The following CNTNAP2 variants were observed in gnomAD, a reference collection of about 807,000 sequenced individuals.
The protein encoded by CNTNAP2 is contactin associated protein 2.
CNTNAP2 carries 98 observed loss-of-function variants against 155.2 expected under a neutral mutation model. The ratio of observed to expected loss-of-function variants is 0.63; its 90% CI spans 0.54 to 0.75. The LOEUF (loss-of-function observed/expected upper bound fraction) is 0.75. Among genes scored for constraint, CNTNAP2 ranks in the 30% least tolerant of loss-of-function variants. The pLI, the probability that CNTNAP2 is intolerant of heterozygous loss-of-function variation, is 0.00. For missense variants in CNTNAP2, 1,727 were observed against 1,688.1 expected (o/e 1.02, Z -0.40); for synonymous variants, 651 against 631.2 (o/e 1.03, Z -0.47).
At chr7:146,650,241 T>C (rs1292842123) in intron 1 of CNTNAP2, among the ~76,000 whole-genome samples, 2 of 152,108 alleles carry the variant, frequency 1.3e-5, no homozygotes, top group African/African-American at 4.8e-5. Flanking sequence ...AAGACACATG[T>C]ACACATATGT....
chr7:146,501,425 T>A (rs1797298771), intron 1 of CNTNAP2, among the ~76,000 whole-genome samples: 1 of 152,186 alleles, frequency 6.6e-6, no homozygotes, highest in Non-Finnish European at 1.5e-5. Context: ...TTTACCTTTC[T>A]TCTTGAGGCA....
chr7:146,151,573 A>G (rs1014929224), intron 1 of CNTNAP2, among the ~76,000 whole-genome samples: 3 of 144,522 alleles, frequency 2.1e-5, no homozygotes, highest in Non-Finnish European at 4.5e-5. Flanking sequence ...CGTTATTTGC[A>G]ATAGCCAAAA....
intron 8 of CNTNAP2, among the ~76,000 whole-genome samples, chr7:147,167,176 T>C (rs1802131090): frequency 6.6e-6 from 1 of 152,162 alleles, no homozygotes; most frequent in African/African-American, 2.4e-5. Flanking sequence ...CTGTATCTAT[T>C]ATGCTCTCAC....
chr7:146,674,620 G>A (rs1263848997), intron 1 of CNTNAP2, among the ~76,000 whole-genome samples: 4 of 152,032 alleles, frequency 2.6e-5, no homozygotes, highest in African/African-American at 9.7e-5. Context: ...ATGTGTAGGG[G>A]CTGGGGAGGA....
chr7:146,674,688 C>T (rs1800367131), intron 1 of CNTNAP2, among the ~76,000 whole-genome samples: 1 of 151,886 alleles, frequency 6.6e-6, no homozygotes, highest in Non-Finnish European at 1.5e-5. Flanking sequence ...GGACCCGGGC[C>T]CTGTATCCCA....
At chr7:147,765,112 T>A (rs533818521) in intron 13 of CNTNAP2, among the ~76,000 whole-genome samples, 36 of 152,300 alleles carry the variant, frequency 2.4e-4, no homozygotes, top group African/African-American at 7.2e-4. Flanking sequence ...ATGTAGTCAG[T>A]CATGTCAAAC....
intron 11 of CNTNAP2, among the ~76,000 whole-genome samples, chr7:147,543,098 A>G (rs889254768): frequency 1.2e-4 from 18 of 152,230 alleles, no homozygotes; most frequent in African/African-American, 4.3e-4. Flanking sequence ...AGCCCCGAAC[A>G]GGGATTTACC....
intron 1 of CNTNAP2, among the ~76,000 whole-genome samples, chr7:146,589,747 A>AG (rs1798753108): frequency 6.6e-6 from 1 of 151,698 alleles, no homozygotes; most frequent in Non-Finnish European, 1.5e-5. Flanking sequence ...TAGAGTATAA[A>AG]AAAAAAAGCC....
intron 2 of CNTNAP2, among the ~76,000 whole-genome samples, chr7:146,790,325 C>T (rs1802647869): frequency 6.6e-6 from 1 of 152,104 alleles, no homozygotes; most frequent in East Asian, 1.9e-4. Context: ...TGAATTTCAA[C>T]AATTCAAACA....
intron 3 of CNTNAP2, among the ~76,000 whole-genome samples, chr7:146,980,184 AG>A (rs1448944169): frequency 6.6e-6 from 1 of 152,056 alleles, no homozygotes; most frequent in Admixed American, 6.6e-5. Context: ...TCAGGTGGAT[AG>A]GGGGATGTGG....
chr7:146,220,410 G>GCAGGAAGGA (rs1432616400), intron 1 of CNTNAP2, among the ~76,000 whole-genome samples: 7 of 152,098 alleles, frequency 4.6e-5, no homozygotes, highest in African/African-American at 1.7e-4. Flanking sequence ...TATGATAGTT[G>GCAGGAAGGA]CAGGAAGGAC....
intron 9 of CNTNAP2, among the ~76,000 whole-genome samples, chr7:147,324,835 C>T (rs929013570): frequency 2.7e-5 from 4 of 149,390 alleles, no homozygotes; most frequent in African/African-American, 1.0e-4. Context: ...CCAGTGAAGA[C>T]CTAACTGGCT....
chr7:148,214,214 G>A (rs1281937637), intron 18 of CNTNAP2, among the ~76,000 whole-genome samples: 3 of 152,198 alleles, frequency 2.0e-5, no homozygotes, highest in Non-Finnish European at 4.4e-5. Flanking sequence ...CAGGTCCGGA[G>A]CTCCTTCAGA....
At chr7:146,513,598 A>G (rs1444679489) in intron 1 of CNTNAP2, among the ~76,000 whole-genome samples, 3 of 152,082 alleles carry the variant, frequency 2.0e-5, no homozygotes, top group Admixed American at 6.6e-5. Flanking sequence ...TCATCCCCCC[A>G]GCATATTGAC....
intron 9 of CNTNAP2, among the ~76,000 whole-genome samples, chr7:147,337,930 G>A (rs978733996): frequency 3.9e-4 from 59 of 152,258 alleles, no homozygotes; most frequent in African/African-American, 1.3e-3. Flanking sequence ...CATGTCAAGA[G>A]AACTGACCTT....
At chr7:147,865,744 GT>G (rs1345415570) in intron 13 of CNTNAP2, among the ~76,000 whole-genome samples, 1 of 152,066 alleles carries the variant, frequency 6.6e-6, no homozygotes, top group Non-Finnish European at 1.5e-5. Context: ...GCTAATGATA[GT>G]TTTTATTTCT....
chr7:147,072,332 T>G (rs976739713), intron 4 of CNTNAP2, among the ~76,000 whole-genome samples: 1 of 152,160 alleles, frequency 6.6e-6, no homozygotes, highest in African/African-American at 2.4e-5. Context: ...TTTCTGGTTT[T>G]GATTCCATTA....
At chr7:147,300,624 A>G (rs1794930783) in intron 9 of CNTNAP2, among the ~76,000 whole-genome samples, 1 of 152,212 alleles carries the variant, frequency 6.6e-6, no homozygotes, top group Admixed American at 6.5e-5. Context: ...TAATTATTCA[A>G]ACCTTAGTGT....
At chr7:147,385,802 C>G (rs1289217339) in intron 9 of CNTNAP2, among the ~76,000 whole-genome samples, 1 of 152,240 alleles carries the variant, frequency 6.6e-6, no homozygotes, top group African/African-American at 2.4e-5. Flanking sequence ...CCTCCTCTCA[C>G]AGCTCCACTA....
Sources: allele counts gnomAD v4.1 joint callset (sites outside exome capture counted in the v4.1 genomes callset), GRCh38; gene constraint gnomAD v4.1.1; transcripts MANE v1.5; gene names NCBI Gene and HGNC (gene_info 2026-07-23, HGNC 2026-07-21).